MAN1C1: variants seen among roughly 807,000 people sequenced by gnomAD.
MAN1C1 encodes the protein mannosidase alpha class 1C member 1, also known as mannosyl-oligosaccharide 1,2-alpha-mannosidase IC.
MAN1C1 carries 49 observed loss-of-function variants against 71.5 expected under a neutral mutation model. The ratio of observed to expected loss-of-function variants is 0.69; its 90% CI spans 0.54 to 0.87. MAN1C1 has a LOEUF of 0.87. Among genes scored for constraint, MAN1C1 ranks in the 40% least tolerant of loss-of-function variants. MAN1C1 has a pLI of 0.00. For synonymous variants in MAN1C1, 352 were observed against 343.7 expected (o/e 1.02, Z -0.27); for missense variants, 743 against 835.0 (o/e 0.89, Z 1.36).
At chr1:25,635,434 CTTTCTT>C (rs1158408513) in intron 1 of MAN1C1, among the ~76,000 whole-genome samples, 90 of 144,424 alleles carry the variant, frequency 6.2e-4, no homozygotes, top group African/African-American at 2.2e-3. Flanking sequence ...TTTTTTCTTT[CTTTCTT>C]TTTTTTTTTT....
At chr1:25,661,845 T>C (rs944952657) in intron 1 of MAN1C1, among the ~76,000 whole-genome samples, 2 of 152,228 alleles carry the variant, frequency 1.3e-5, no homozygotes, top group African/African-American at 4.8e-5. Context: ...AGCCTGCTCA[T>C]TCCCTCATCT....
At chr1:25,724,249 G>A (rs186050686) in intron 2 of MAN1C1, among the ~76,000 whole-genome samples, 32 of 152,190 alleles carry the variant, frequency 2.1e-4, no homozygotes, top group African/African-American at 7.7e-4. Context: ...AGATGTTCTC[G>A]ATCTCCTGAT....
At position 25,617,612 on chromosome 1, in the gene MAN1C1, G is replaced by T; in HGVS notation, c.-186G>T. 1 of 517,284 alleles carries T rather than the reference G, an allele frequency of 1.9e-6. No homozygotes were observed. Among genetic ancestry groups the T allele is most frequent in the Non-Finnish European group, 3.3e-6 (1 of 303,002 alleles). The allele number at this position is 517,284 out of a possible 1,614,324, so 32.0% of individuals were successfully genotyped here. On this transcript the variant is annotated 5_prime_UTR_variant, in exon 1 of 12. Transcript: ENST00000374332. This position sits in a 1 kb window ranked among gnomAD's most constrained non-coding sequence, Gnocchi z 5.1. The stretch of plus-strand genomic sequence containing the variant: ...GGCCGCTGCGCCCCCGCCTCCTCGC[G>T]GGAGGACTCGCTCCAAACTCCCTGA...
intron 2 of MAN1C1, among the ~76,000 whole-genome samples, chr1:25,705,740 G>C (rs1021505029): frequency 2.6e-5 from 4 of 152,180 alleles, no homozygotes; most frequent in African/African-American, 9.7e-5. Flanking sequence ...GAGGCCAGGA[G>C]ACCTGGAAAG....
chr1:25,656,737 T>A (rs1209545005), intron 1 of MAN1C1, among the ~76,000 whole-genome samples: 1 of 152,018 alleles, frequency 6.6e-6, no homozygotes, highest in African/African-American at 2.4e-5. Context: ...CAAGCTGGCA[T>A]CTTGCTAGCT....
intron 1 of MAN1C1, among the ~76,000 whole-genome samples, chr1:25,681,685 G>A (rs2046156927): frequency 6.6e-6 from 1 of 152,140 alleles, no homozygotes; most frequent in Non-Finnish European, 1.5e-5. Flanking sequence ...AGGTCATATG[G>A]TAACTCCATA....
intron 1 of MAN1C1, among the ~76,000 whole-genome samples, chr1:25,677,846 CTTTTTTTTT>C (rs772618301): frequency 1.0e-5 from 1 of 98,306 alleles, no homozygotes; most frequent in Non-Finnish European, 1.8e-5. Context: ...TAAAGACCTC[CTTTTTTTTT>C]TTTTTTTTTT....
At chr1:25,676,163 C>T (rs528645323) in intron 1 of MAN1C1, among the ~76,000 whole-genome samples, 5 of 152,160 alleles carry the variant, frequency 3.3e-5, no homozygotes, top group African/African-American at 4.8e-5. Context: ...AGACAGGATG[C>T]GATTCCTGAG....
intron 2 of MAN1C1, among the ~76,000 whole-genome samples, chr1:25,698,442 A>G (rs549347058): frequency 3.5e-4 from 53 of 152,278 alleles, no homozygotes; most frequent in African/African-American, 1.3e-3. Flanking sequence ...CCGTTCCTTC[A>G]TGCGGGTGGT....
At chr1:25,661,976 A>G (rs1408593840) in intron 1 of MAN1C1, among the ~76,000 whole-genome samples, 1 of 152,176 alleles carries the variant, frequency 6.6e-6, no homozygotes, top group African/African-American at 2.4e-5. Context: ...GGCAATTTAT[A>G]ATCCAGATTG....
chr1:25,767,880 T>C (rs535150478), intron 7 of MAN1C1, among the ~76,000 whole-genome samples: 1,112 of 37,954 alleles, frequency 0.029, 110 homozygotes, highest in African/African-American at 0.19. Context: ...TCCCCTCACA[T>C]ACATTCACAC....
chr1:25,750,272 G>A (rs1461591409), intron 4 of MAN1C1, among the ~76,000 whole-genome samples: 1 of 152,212 alleles, frequency 6.6e-6, no homozygotes, highest in East Asian at 1.9e-4. Context: ...TTAGAAATGG[G>A]AGGCTTCTTC....
chr1:25,640,208 A>G (rs1399433200), intron 1 of MAN1C1, among the ~76,000 whole-genome samples: 1 of 152,216 alleles, frequency 6.6e-6, no homozygotes, highest in African/African-American at 2.4e-5. Flanking sequence ...AGTAAATATC[A>G]TATTTTATTG....
chr1:25,711,239 T>G lies in MAN1C1; in HGVS notation c.637+24703T>G, dbSNP rs2046608884. ...TCTGCATCCTGTTGGTCAGAGTAAGTTAATTGGCCAGCCTGGACACAAGGA... is the reference window on the plus strand; with the variant it reads ...TCTGCATCCTGTTGGTCAGAGTAAGGTAATTGGCCAGCCTGGACACAAGGA... On this transcript the variant is annotated intron_variant, in intron 2 of 11. Transcript: ENST00000374332. This position sits in a 1 kb window ranked among gnomAD's most constrained non-coding sequence, Gnocchi z 4.3. 6.6e-6 allele frequency among the ~76,000 whole-genome samples: 1 copy of G among 152,142 alleles called. No homozygotes were observed. Among genetic ancestry groups the G allele is most frequent in the Non-Finnish European group, 1.5e-5 (1 of 68,020 alleles).
In MAN1C1 at chr1:25,698,546, G is replaced by C. The variant is rs76929468; in HGVS notation, c.637+12010G>C. Among the ~76,000 whole-genome samples, 1,482 of 152,252 alleles carry C rather than the reference G, an allele frequency of 9.7e-3. 27 individuals are homozygous for C. Among genetic ancestry groups the C allele is most frequent in the African/African-American group, 0.032 (1,319 of 41,530 alleles). On this transcript the variant is annotated intron_variant, in intron 2 of 11. Transcript: ENST00000374332. ...CTCTGTGACCCTCCCCGGCCAGTGA[G>C]GAGACAGACGCATGAATCATACTTC... is the stretch of plus-strand genomic sequence containing the variant.
At chr1:25,664,598 G>A (rs2045895074) in intron 1 of MAN1C1, among the ~76,000 whole-genome samples, 1 of 152,230 alleles carries the variant, frequency 6.6e-6, no homozygotes, top group Non-Finnish European at 1.5e-5. Context: ...CAGAGTTCAA[G>A]TTGAGTTTAC....
intron 1 of MAN1C1, among the ~76,000 whole-genome samples, chr1:25,643,965 C>T (rs1007688430): frequency 5.9e-5 from 9 of 152,126 alleles, no homozygotes; most frequent in Non-Finnish European, 7.3e-5. Context: ...TGAACTGATA[C>T]GCAGTGAGAG....
Position 25,764,200 on chromosome 1 carries a change from C to T in MAN1C1, c.1141+233C>T, listed in dbSNP as rs548985150. Among the ~76,000 whole-genome samples, 7 of 152,168 alleles carry T rather than the reference C, an allele frequency of 4.6e-5. No homozygotes were observed. The highest frequency in any genetic ancestry group is 8.8e-5 in the Non-Finnish European group (6 of 68,020). On this transcript the variant is annotated intron_variant, in intron 7 of 11. Transcript: ENST00000374332. This position sits in a 1 kb window ranked among gnomAD's most constrained non-coding sequence, Gnocchi z 4.4. ...TGTGATGGCTGCTGTTTACTGAAGG[C>T]CTGCCCTGTGCGTTCCAAACCCTAC... is the stretch of plus-strand genomic sequence containing the variant.
intron 2 of MAN1C1, among the ~76,000 whole-genome samples, chr1:25,738,098 G>A (rs546442354): frequency 4.1e-4 from 62 of 151,946 alleles, no homozygotes; most frequent in African/African-American, 1.4e-3. Flanking sequence ...TCAGCCTCCA[G>A]TAAGAGCATT....
Sources: allele counts gnomAD v4.1 joint callset (sites outside exome capture counted in the v4.1 genomes callset), GRCh38; gene constraint gnomAD v4.1.1; non-coding constraint Gnocchi (gnomAD v3.1); transcripts MANE v1.5; gene names NCBI Gene and HGNC (gene_info 2026-07-23, HGNC 2026-07-21).